Variants in NEBL observed in about 807,000 individuals in gnomAD.
NEBL encodes the protein nebulette.
In NEBL, 122 loss-of-function variants were observed where a neutral mutation model predicts 140.2. That is an observed-to-expected ratio of 0.87 (90% CI 0.75 to 1.01). The LOEUF (loss-of-function observed/expected upper bound fraction) is 1.01. Among genes scored for constraint, NEBL ranks in the 50% least tolerant of loss-of-function variants. The pLI is 0.00. For missense variants in NEBL, 1,365 were observed against 1,231.3 expected (o/e 1.11, Z -1.62); for synonymous variants, 436 against 398.9 (o/e 1.09, Z -1.11).
chr10:21,186,677 A>C (rs1180302756), intron 3 of NEBL, among the ~76,000 whole-genome samples: 3 of 141,612 alleles, frequency 2.1e-5, no homozygotes, highest in African/African-American at 7.9e-5. Context: ...TTTTTTTTTT[A>C]GTTCATCAGC....
chr10:21,133,848 T>A (rs138544538), intron 2 of NEBL, among the ~76,000 whole-genome samples: 93 of 152,298 alleles, frequency 6.1e-4, no homozygotes, highest in Admixed American at 1.2e-3. Context: ...AGGAACCACT[T>A]GATGCTGATG....
intron 3 of NEBL, among the ~76,000 whole-genome samples, chr10:21,209,648 CTT>C (rs780655295): frequency 5.0e-5 from 7 of 141,222 alleles, no homozygotes; most frequent in African/African-American, 7.9e-5. Context: ...GGCACCTGAC[CTT>C]TTTTTTTTTT....
intron 7 of NEBL, among the ~76,000 whole-genome samples, chr10:20,862,428 C>T (rs1388225015): frequency 6.6e-6 from 1 of 152,142 alleles, no homozygotes; most frequent in Non-Finnish European, 1.5e-5. Context: ...TCTAACCTCG[C>T]TCTTTCTGTA....
intron 17 of NEBL, among the ~76,000 whole-genome samples, chr10:20,826,858 A>T (rs1839931961): frequency 6.6e-6 from 1 of 152,202 alleles, no homozygotes; most frequent in African/African-American, 2.4e-5. Context: ...TATATGTCCC[A>T]TGTGTATTTG....
chr10:21,082,727 G>T (rs1206759110), intron 2 of NEBL, among the ~76,000 whole-genome samples: 2 of 148,432 alleles, frequency 1.3e-5, no homozygotes, highest in Admixed American at 6.7e-5. Flanking sequence ...ATTTATTTAA[G>T]AAGGGAAAAT....
chr10:21,135,580 A>G (rs1322614608), intron 2 of NEBL, among the ~76,000 whole-genome samples: 1 of 152,168 alleles, frequency 6.6e-6, no homozygotes. Context: ...AACTAAACTG[A>G]AAAGCGCTTT....
intron 3 of NEBL, among the ~76,000 whole-genome samples, chr10:21,232,236 C>A (rs537668309): frequency 3.3e-5 from 5 of 151,960 alleles, no homozygotes; most frequent in Non-Finnish European, 7.4e-5. Flanking sequence ...CCATGCAATT[C>A]TCTGCAACCC....
At chr10:21,226,708 C>A (rs1842155254) in intron 3 of NEBL, among the ~76,000 whole-genome samples, 1 of 152,204 alleles carries the variant, frequency 6.6e-6, no homozygotes, top group African/African-American at 2.4e-5. Flanking sequence ...CCTGCAAGCA[C>A]ACAGATTCTG....
intron 4 of NEBL, among the ~76,000 whole-genome samples, chr10:20,937,893 G>A (rs758318697): frequency 6.6e-6 from 1 of 152,206 alleles, no homozygotes; most frequent in Non-Finnish European, 1.5e-5. Context: ...GGGTGGAGGA[G>A]GGGCGCCCGC....
At chr10:20,963,147 A>G (rs1315459586) in intron 3 of NEBL, among the ~76,000 whole-genome samples, 4 of 152,172 alleles carry the variant, frequency 2.6e-5, no homozygotes, top group Admixed American at 6.5e-5. Context: ...CTTTATTCCC[A>G]TAAGTAAAAG....
At chr10:20,846,592 C>A (rs574710530) in intron 11 of NEBL, among the ~76,000 whole-genome samples, 47 of 152,146 alleles carry the variant, frequency 3.1e-4, no homozygotes, top group African/African-American at 1.1e-3. Context: ...ATACAATGAC[C>A]AAAAACAACG....
chr10:21,048,348 T>G (rs758285304), intron 2 of NEBL, among the ~76,000 whole-genome samples: 1 of 149,238 alleles, frequency 6.7e-6, no homozygotes, highest in Admixed American at 6.8e-5. Flanking sequence ...AACATGTAAA[T>G]ACAGATGCAG....
At chr10:20,958,224 T>C (rs1306738092) in intron 4 of NEBL, among the ~76,000 whole-genome samples, 1 of 152,224 alleles carries the variant, frequency 6.6e-6, no homozygotes, top group Non-Finnish European at 1.5e-5. Context: ...TTGGACACTG[T>C]CCCTTAAGAA....
Position 20,780,185 on chromosome 10 carries a change from T to C in NEBL, c.*5562A>G, listed in dbSNP as rs1834937317. 6.6e-6 allele frequency: 1 copy of C among 152,176 alleles called. No homozygotes were observed. Among genetic ancestry groups the C allele is most frequent in the Admixed American group, 6.6e-5 (1 of 15,266 alleles). 9.4% of individuals were successfully genotyped at this position (152,176 alleles called of 1,614,324 possible). A position where few individuals can be genotyped will look rare whatever the true frequency, so the allele number is the denominator to read the frequency against. On this transcript the variant is annotated 3_prime_UTR_variant, in exon 28 of 28. Coordinates refer to ENST00000377122, the MANE Select transcript of NEBL (RefSeq NM_006393.3). ...GGGGGAGAAAAGCAATTGTGTTCTGTGATAAATGAGCCTTTCTTAGCTGAG... is the reference window on the plus strand; with the variant it reads ...GGGGGAGAAAAGCAATTGTGTTCTGCGATAAATGAGCCTTTCTTAGCTGAG...
chr10:21,019,610 G>A (rs1033689667), intron 3 of NEBL, among the ~76,000 whole-genome samples: 5 of 152,200 alleles, frequency 3.3e-5, no homozygotes, highest in African/African-American at 7.2e-5. Flanking sequence ...ATGGTTGACC[G>A]GGAGCCAATT....
At position 21,021,748 on chromosome 10, in the gene NEBL, C is replaced by T. The variant is rs558521014; in HGVS notation, c.165-1547G>A. 5.9e-5 allele frequency among the ~76,000 whole-genome samples: 9 copies of T among 152,314 alleles called. No individual in the cohort carries two copies. In the South Asian group the frequency reaches 1.9e-3, roughly 32 times the overall value. On this transcript the variant is annotated intron_variant, in intron 2 of 6. Transcript: ENST00000417816. ...GCTTTTCCTATTGGCAGGCCTCTGCCTCACAGTACAACGAAAGTTCTGTGG... is the reference window on the plus strand; with the variant it reads ...GCTTTTCCTATTGGCAGGCCTCTGCTTCACAGTACAACGAAAGTTCTGTGG...
At chr10:21,110,418 A>G (rs1428030036) in intron 2 of NEBL, among the ~76,000 whole-genome samples, 2 of 152,128 alleles carry the variant, frequency 1.3e-5, no homozygotes, top group Admixed American at 1.3e-4. Context: ...GAAGTTATCA[A>G]ATTTATTGGT....
chr10:21,003,729 A>G (rs1410194437), intron 3 of NEBL, among the ~76,000 whole-genome samples: 4 of 152,358 alleles, frequency 2.6e-5, no homozygotes, highest in African/African-American at 9.6e-5. Flanking sequence ...TTCTCTGCAC[A>G]GGTACAATCA....
intron 3 of NEBL, among the ~76,000 whole-genome samples, chr10:20,980,373 C>A (rs1387168086): frequency 1.4e-5 from 2 of 142,662 alleles, no homozygotes; most frequent in Non-Finnish European, 1.5e-5. Context: ...TGTTCAGAAA[C>A]AAAAGAACCA....
Sources: gnomAD v4.1 joint callset for allele counts (sites outside exome capture counted in the v4.1 genomes callset) on GRCh38, gnomAD v4.1.1 for gene constraint, MANE v1.5 for transcripts, NCBI Gene and HGNC (gene_info 2026-07-23, HGNC 2026-07-21) for gene names.